Variants in DSCAM observed in about 807,000 individuals in gnomAD.
DSCAM encodes DS cell adhesion molecule.
DSCAM carries 47 observed loss-of-function variants against 217.7 expected under a neutral mutation model. That is an observed-to-expected ratio of 0.22 (90% CI 0.17 to 0.28). The LOEUF (loss-of-function observed/expected upper bound fraction) is 0.28, where lower values mean the gene tolerates loss of function less well. DSCAM is among the 10% of genes least tolerant of loss of function. The probability of loss-of-function intolerance (pLI) is 1.00; values close to 1 mark genes in which losing one functional copy is unlikely to be tolerated. For missense variants in DSCAM, 2,080 were observed against 2,618.3 expected (o/e 0.79, Z 4.49); for synonymous variants, 1,056 against 1,015.3 (o/e 1.04, Z -0.76).
intron 3 of DSCAM, among the ~76,000 whole-genome samples, chr21:40,387,624 C>T (rs2075098560): frequency 6.6e-6 from 1 of 152,174 alleles, no homozygotes; most frequent in African/African-American, 2.4e-5. Flanking sequence ...AGCTTGACTC[C>T]TCCCTTCCAA....
At chr21:40,671,110 G>A (rs190915408) in intron 3 of DSCAM, among the ~76,000 whole-genome samples, 2 of 150,906 alleles carry the variant, frequency 1.3e-5, no homozygotes, top group African/African-American at 2.4e-5. Flanking sequence ...AGTCACATAC[G>A]TGAGTGTCTA....
chr21:40,339,424 A>G lies in DSCAM; in HGVS notation c.1211-9T>C. 2.5e-6 allele frequency: 4 copies of G among 1,588,874 alleles called. No individual in the cohort carries two copies. Among genetic ancestry groups the G allele is most frequent in the Non-Finnish European group, 3.4e-6 (4 of 1,167,652 alleles). On this transcript the variant is annotated splice_polypyrimidine_tract_variant and intron_variant, in intron 6 of 32. Coordinates refer to ENST00000400454, the MANE Select transcript of DSCAM (RefSeq NM_001389.5). ...AATTTTGGGAGTTCCATCTGCAGGA[A>G]AACAAATTATGGAAGAAAGTGGCAC...
At position 40,149,685 on chromosome 21, in the gene DSCAM, A is replaced by G. The variant is rs562023789; in HGVS notation, c.3019-4954T>C. 2.8e-5 allele frequency among the ~76,000 whole-genome samples: 4 copies of G among 143,362 alleles called. 1 individual carries two copies. Among genetic ancestry groups the G allele is most frequent in the Non-Finnish European group, 6.0e-5 (4 of 66,416 alleles). The allele number at this position is 143,362 out of a possible 152,430, so 94.1% of individuals were successfully genotyped here. ...GCTCCATCACTATCCCAACACCACC[A>G]TCACTATCACCACCACCATCCATTA... On this transcript the variant is annotated intron_variant, in intron 16 of 32. Transcript: ENST00000400454.
At chr21:40,132,909 G>A (rs1456112459) in intron 19 of DSCAM, among the ~76,000 whole-genome samples, 1 of 152,192 alleles carries the variant, frequency 6.6e-6, no homozygotes, top group Non-Finnish European at 1.5e-5. Flanking sequence ...TACACAGGAG[G>A]TGACCAGCAA....
chr21:40,275,204 CT>C (rs1384391531), intron 11 of DSCAM, among the ~76,000 whole-genome samples: 1 of 151,722 alleles, frequency 6.6e-6, no homozygotes, highest in Non-Finnish European at 1.5e-5. Context: ...GTGGCATACA[CT>C]GGTAGTCTTA....
At chr21:40,652,726 G>T (rs1159397185) in intron 3 of DSCAM, among the ~76,000 whole-genome samples, 1 of 152,222 alleles carries the variant, frequency 6.6e-6, no homozygotes, top group African/African-American at 2.4e-5. Context: ...CTCCTAGGAG[G>T]TAACCTCTAA....
intron 18 of DSCAM, among the ~76,000 whole-genome samples, chr21:40,139,118 G>A (rs2090256219): frequency 6.7e-6 from 1 of 149,742 alleles, no homozygotes; most frequent in Non-Finnish European, 1.5e-5. Context: ...TGTGGTGTGT[G>A]TATGTGTGGT....
intron 3 of DSCAM, among the ~76,000 whole-genome samples, chr21:40,565,242 G>A (rs1251334500): frequency 6.6e-6 from 1 of 152,128 alleles, no homozygotes; most frequent in African/African-American, 2.4e-5. Flanking sequence ...CTTGACAGTT[G>A]AGCAGCCATT....
At chr21:40,774,073 A>G (rs2091468420) in intron 1 of DSCAM, among the ~76,000 whole-genome samples, 1 of 152,216 alleles carries the variant, frequency 6.6e-6, no homozygotes, top group Non-Finnish European at 1.5e-5. Flanking sequence ...GCTGTCCAAC[A>G]ACCAGAAGGG....
Position 40,540,514 on chromosome 21 carries a change from T to A in DSCAM, c.508+152296A>T, listed in dbSNP as rs141663183. Reference sequence around the variant, plus strand: ...GTTTTATTTGCTTCCTGTGTTCTAATGTCACTAAATATGGCCTTAATTCTT... The same window carrying A: ...GTTTTATTTGCTTCCTGTGTTCTAAAGTCACTAAATATGGCCTTAATTCTT... On this transcript the variant is annotated intron_variant, in intron 3 of 32. Transcript: ENST00000400454. Among the ~76,000 whole-genome samples, 17 of 152,352 alleles carry A rather than the reference T, an allele frequency of 1.1e-4. No homozygotes were observed. The East Asian group carries it at 2.9e-3, about 26-fold the overall frequency.
Position 40,841,373 on chromosome 21 carries a change from A to T in DSCAM, c.43+5246T>A, listed in dbSNP as rs1791725677. Among the ~76,000 whole-genome samples the T allele has an allele frequency of 2.6e-5, 4 of 152,328 alleles. No homozygotes were observed. In the South Asian group the frequency reaches 8.3e-4, roughly 32 times the overall value. ...TCTTCCATTCCCACTGCCTTATCTT[A>T]ACCCATAGATTCGGCAAGGGAAATG... On this transcript the variant is annotated intron_variant, in intron 1 of 32. Transcript: ENST00000400454.
chr21:40,344,090 G>GT (rs2074531389), intron 6 of DSCAM, among the ~76,000 whole-genome samples: 2 of 151,948 alleles, frequency 1.3e-5, no homozygotes, highest in African/African-American at 2.4e-5. Context: ...GCAGAGACAG[G>GT]ATTTTGCCAT....
intron 15 of DSCAM, among the ~76,000 whole-genome samples, chr21:40,175,815 A>ACACACACACACGCACG (rs2090722661): frequency 1.3e-5 from 2 of 149,654 alleles, no homozygotes; most frequent in African/African-American, 4.9e-5. Context: ...ACACGCACAC[A>ACACACACACACGCACG]CACACACACG....
chr21:40,361,153 AATT>A (rs1363885847), intron 4 of DSCAM, among the ~76,000 whole-genome samples: 2 of 151,340 alleles, frequency 1.3e-5, no homozygotes, highest in Non-Finnish European at 2.9e-5. Flanking sequence ...ATATTACAAA[AATT>A]ATTTTTACCC....
intron 20 of DSCAM, among the ~76,000 whole-genome samples, chr21:40,106,146 G>C (rs960165336): frequency 1.3e-5 from 2 of 152,202 alleles, no homozygotes; most frequent in African/African-American, 4.8e-5. Flanking sequence ...AGACAAGAGA[G>C]GGTGTGCAGG....
In DSCAM at chr21:40,093,172, C is replaced by T. The variant is rs114878675; in HGVS notation, c.3850+549G>A. Among the ~76,000 whole-genome samples the T allele has an allele frequency of 8.7e-3, 1,326 of 152,254 alleles. 22 individuals carry two copies. The highest frequency in any genetic ancestry group is 0.031 in the African/African-American group (1,278 of 41,532). ...GAAGAGCAAGAATACCCCGTGCCTG[C>T]GTGTGCTTTTTAAGGACCAGTTTAA... On this transcript the variant is annotated intron_variant, in intron 21 of 32. Coordinates refer to ENST00000400454, the MANE Select transcript of DSCAM (RefSeq NM_001389.5).
In DSCAM at chr21:40,052,119, C is replaced by A; in HGVS notation, c.5036-12G>T. Reference sequence around the variant, plus strand: ...CGTGGAGCGATCATCTACAGGATGGCAGGAACACAGAAAGCCAAACACGTT... The same window carrying A: ...CGTGGAGCGATCATCTACAGGATGGAAGGAACACAGAAAGCCAAACACGTT... On this transcript the variant is annotated splice_polypyrimidine_tract_variant and intron_variant, in intron 29 of 32. Transcript: ENST00000400454. The A allele has an allele frequency of 6.2e-7, 1 of 1,612,538 alleles. No homozygotes were observed. Among genetic ancestry groups the A allele is most frequent in the Non-Finnish European group, 8.5e-7 (1 of 1,179,350 alleles).
In DSCAM at chr21:40,662,140, AAAC is replaced by A. The variant is rs200040270; in HGVS notation, c.508+30667_508+30669del. Among the ~76,000 whole-genome samples, 10 of 104,504 alleles carry A rather than the reference AAAC, an allele frequency of 9.6e-5. No individual in the cohort carries two copies. In the South Asian group the frequency reaches 1.3e-3, roughly 13 times the overall value. 68.6% of individuals were successfully genotyped at this position (104,504 alleles called of 152,430 possible). On this transcript the variant is annotated intron_variant, in intron 3 of 32. Coordinates refer to ENST00000400454, the MANE Select transcript of DSCAM (RefSeq NM_001389.5). ...ACGTTGTTAAAACAAACAAACAAAC[AAAC>A]AAAAACACAACACTGTGAAAAGACA...
intron 3 of DSCAM, among the ~76,000 whole-genome samples, chr21:40,691,009 T>C (rs1287418609): frequency 6.6e-6 from 1 of 152,148 alleles, no homozygotes; most frequent in Non-Finnish European, 1.5e-5. Context: ...GGTGATGAAA[T>C]AATCTGTACA....
Sources: gnomAD v4.1 joint callset for allele counts (sites outside exome capture counted in the v4.1 genomes callset) on GRCh38, gnomAD v4.1.1 for gene constraint, MANE v1.5 for transcripts, NCBI Gene and HGNC (gene_info 2026-07-23, HGNC 2026-07-21) for gene names.